ARHGAP6: variants seen among roughly 807,000 people sequenced by gnomAD.
ARHGAP6 encodes the protein Rho GTPase activating protein 6.
In ARHGAP6, 16 loss-of-function variants were observed where a neutral mutation model predicts 55.7. The observed-to-expected ratio is 0.29, with a 90% CI of 0.19 to 0.44. The LOEUF is 0.44. Ranked by LOEUF, ARHGAP6 falls within the 20% of genes least tolerant of loss-of-function variation. ARHGAP6 has a pLI of 1.00. For synonymous variants in ARHGAP6, 382 were observed against 360.9 expected, an observed-to-expected ratio of 1.06 and a Z score of -0.66; for missense variants, 698 against 808.9, an observed-to-expected ratio of 0.86 and a Z score of 1.66.
At chrX:11,423,409 C>G (rs1340590963) in intron 1 of ARHGAP6, among the ~76,000 whole-genome samples, 3 of 112,443 alleles carry the variant, frequency 2.7e-5, no homozygotes, top group African/African-American at 9.7e-5. Flanking sequence ...GGTTCTCTGT[C>G]AGGGTAAGCA....
At chrX:11,483,533 A>G (rs1172027959) in intron 1 of ARHGAP6, among the ~76,000 whole-genome samples, 1 of 111,828 alleles carries the variant, frequency 8.9e-6, no homozygotes, top group African/African-American at 3.3e-5. Flanking sequence ...AATCATGAGC[A>G]TGAACTCAAG....
At chrX:11,151,294 T>G (rs1297617092) in intron 10 of ARHGAP6, among the ~76,000 whole-genome samples, 1 of 107,536 alleles carries the variant, frequency 9.3e-6, no homozygotes, top group Non-Finnish European at 1.9e-5. Flanking sequence ...AGACAAGGTC[T>G]CACTCTGTTG....
At chrX:11,291,049 G>T (rs770333397) in intron 1 of ARHGAP6, among the ~76,000 whole-genome samples, 32 of 111,935 alleles carry the variant, frequency 2.9e-4, no homozygotes, top group African/African-American at 1.0e-3. Flanking sequence ...TCAAGAAAAA[G>T]AATACCTACT....
intron 5 of ARHGAP6, among the ~76,000 whole-genome samples, chrX:11,185,962 GATC>G (rs2046381595): frequency 9.0e-6 from 1 of 111,267 alleles, no homozygotes; most frequent in Non-Finnish European, 1.9e-5. Context: ...CAACAGATCT[GATC>G]ATTCCCTAAA....
rs562380264 is a variant in ARHGAP6 at position 11,366,587 on chromosome X, G to A, written c.589-111880C>T. 8.1e-5 allele frequency among the ~76,000 whole-genome samples: 9 copies of A among 111,554 alleles called. No homozygotes were observed. The South Asian group carries it at 2.7e-3, about 33-fold the overall frequency. The stretch of plus-strand genomic sequence containing the variant: ...AAGGTATTTGAGAGTAGACTAGAGC[G>A]ACGTGGGTAAGTGAGGGAGGTGGGG... On this transcript the variant is annotated intron_variant, in intron 1 of 12. Coordinates refer to ENST00000337414, the MANE Select transcript of ARHGAP6 (RefSeq NM_013427.3).
chrX:11,493,135 T>C (rs1181475473), intron 1 of ARHGAP6, among the ~76,000 whole-genome samples: 1 of 112,295 alleles, frequency 8.9e-6, no homozygotes, highest in Non-Finnish European at 1.9e-5. Flanking sequence ...GGAGGCCTTT[T>C]ATAGCAGCTT....
At chrX:11,166,170 A>T (rs1417342236) in intron 9 of ARHGAP6, among the ~76,000 whole-genome samples, 1 of 111,359 alleles carries the variant, frequency 9.0e-6, no homozygotes, top group Non-Finnish European at 1.9e-5. Context: ...GAGAGTGGCC[A>T]CTTGGGAGAG....
intron 2 of ARHGAP6, among the ~76,000 whole-genome samples, chrX:11,216,309 G>A (rs1023053169): frequency 7.2e-5 from 8 of 111,596 alleles, no homozygotes; most frequent in Admixed American, 3.8e-4. Context: ...GGAAGACAAG[G>A]GGTAAAGTGT....
chrX:11,594,521 C>G (rs1002661999), intron 1 of ARHGAP6, among the ~76,000 whole-genome samples: 2 of 111,448 alleles, frequency 1.8e-5, no homozygotes, highest in Non-Finnish European at 3.8e-5. Flanking sequence ...GGCCTCACAG[C>G]AGGAGGTGAG....
intron 8 of ARHGAP6, among the ~76,000 whole-genome samples, chrX:11,174,185 G>T (rs1165428417): frequency 9.0e-6 from 1 of 111,390 alleles, no homozygotes; most frequent in Non-Finnish European, 1.9e-5. Context: ...AAGGGGTTTG[G>T]CTAACTCCCA....
chrX:11,294,577 C>T (rs1419334873), intron 1 of ARHGAP6, among the ~76,000 whole-genome samples: 1 of 112,198 alleles, frequency 8.9e-6, no homozygotes, highest in Non-Finnish European at 1.9e-5. Context: ...TTAAATGCAT[C>T]TTTATCACTA....
At chrX:11,260,778 C>G (rs765085115) in intron 1 of ARHGAP6, among the ~76,000 whole-genome samples, 1 of 111,803 alleles carries the variant, frequency 8.9e-6, no homozygotes, top group Admixed American at 9.5e-5. Context: ...GCAAGTCATA[C>G]AAAAACGGGC....
chrX:11,591,508 G>C (rs752099910), intron 1 of ARHGAP6, among the ~76,000 whole-genome samples: 64 of 110,613 alleles, frequency 5.8e-4, no homozygotes, highest in African/African-American at 1.8e-3. Flanking sequence ...GATAAAAAGT[G>C]CTCAATCCAT....
intron 1 of ARHGAP6, among the ~76,000 whole-genome samples, chrX:11,588,981 C>G (rs1250354876): frequency 1.8e-5 from 2 of 110,534 alleles, no homozygotes; most frequent in Non-Finnish European, 3.8e-5. Context: ...TATTGTTTGT[C>G]TGTAATTCTA....
chrX:11,254,715 CCAA>C lies in ARHGAP6; in HGVS notation c.589-11_589-9del. The stretch of plus-strand genomic sequence containing the variant: ...GTTCCAGGTGAAATCACCCTGTAGG[CCAA>C]AAAAAAAAAAAAAAAAAAAATCAAG... On this transcript the variant is annotated splice_polypyrimidine_tract_variant and intron_variant, in intron 1 of 12. Transcript: ENST00000337414. 9 of 918,786 alleles carry C rather than the reference CCAA, an allele frequency of 9.8e-6. No individual in the cohort carries two copies. The highest frequency in any genetic ancestry group is 5.7e-5 in the Admixed American group (1 of 17,518). 75.7% of individuals were successfully genotyped at this position (918,786 alleles called of 1,213,427 possible).
At chrX:11,260,591 G>A (rs1295589122) in intron 1 of ARHGAP6, among the ~76,000 whole-genome samples, 3 of 111,854 alleles carry the variant, frequency 2.7e-5, no homozygotes, top group South Asian at 7.5e-4. Flanking sequence ...CTCTGCCACA[G>A]TTACTCAACT....
At chrX:11,639,567 A>AT (rs2052452865) in intron 1 of ARHGAP6, among the ~76,000 whole-genome samples, 1 of 111,305 alleles carries the variant, frequency 9.0e-6, no homozygotes, top group South Asian at 3.8e-4. Context: ...GTTGCAGAGT[A>AT]TTCCATGGTG....
chrX:11,353,856 T>A (rs1166482468), intron 1 of ARHGAP6, among the ~76,000 whole-genome samples: 3 of 110,934 alleles, frequency 2.7e-5, no homozygotes, highest in African/African-American at 6.6e-5. Context: ...TGAAGCCATA[T>A]TCTAGAAAAG....
At chrX:11,247,934 T>A (rs935330860) in intron 2 of ARHGAP6, among the ~76,000 whole-genome samples, 1 of 111,831 alleles carries the variant, frequency 8.9e-6, no homozygotes, top group Non-Finnish European at 1.9e-5. Flanking sequence ...CATGCTTGCC[T>A]CCATGGAGTA....
Sources: allele counts gnomAD v4.1 joint callset (sites outside exome capture counted in the v4.1 genomes callset), GRCh38; gene constraint gnomAD v4.1.1; transcripts MANE v1.5; gene names NCBI Gene and HGNC (gene_info 2026-07-23, HGNC 2026-07-21).